The following LENG8 variants were observed in gnomAD, a reference collection of about 807,000 sequenced individuals.
LENG8 encodes the protein leukocyte receptor cluster (LRC) member 8.
LENG8 carries 28 observed loss-of-function variants against 102.1 expected under a neutral mutation model. The observed-to-expected ratio is 0.27, with a 90% CI of 0.20 to 0.38. LENG8 has a LOEUF of 0.38. LENG8 is among the 10% of genes least tolerant of loss of function. The pLI, the probability that LENG8 is intolerant of heterozygous loss-of-function variation, is 1.00. For synonymous variants in LENG8, 531 were observed against 456.7 expected, an observed-to-expected ratio of 1.16 and a Z score of -2.07; for missense variants, 1,022 against 1,113.9, an observed-to-expected ratio of 0.92 and a Z score of 1.17.
chr19:54,454,789 C>T (rs2084137289), intron 6 of LENG8, 107 bp downstream of exon 6: 24 of 1,438,882 alleles, frequency 1.7e-5, no homozygotes, highest in South Asian at 9.4e-5. Context: ...GTGTTGTGAT[C>T]GCCAGGCTGG....
At chr19:54,457,250 A>C (rs1265266905) in intron 11 of LENG8, among the ~76,000 whole-genome samples, 1 of 152,214 alleles carries the variant, frequency 6.6e-6, no homozygotes, top group Non-Finnish European at 1.5e-5. Context: ...TGTTTGGCGT[A>C]GTCACTGTTC....
chr19:54,452,337 G>T (rs376303214), intron 3 of LENG8, 70 bp downstream of exon 3: 6 of 1,378,122 alleles, frequency 4.4e-6, no homozygotes, highest in Non-Finnish European at 6.0e-6. Context: ...CTGGCGTCCT[G>T]TTGTATCATT....
At chr19:54,451,443 C>T in intron 2 of LENG8, 61 bp downstream of exon 2, 1 of 1,546,098 alleles carries the variant, frequency 6.5e-7, no homozygotes, top group Non-Finnish European at 8.9e-7. Context: ...AGACCCAGTG[C>T]TGTCCTCTGG....
intron 2 of LENG8, 119 bp from the exon 3 acceptor site, chr19:54,451,974 G>A: frequency 1.1e-6 from 1 of 899,878 alleles, no homozygotes; most frequent in South Asian, 1.6e-5. Context: ...AGAAAACTTA[G>A]GCTTAGACTG....
chr19:54,456,776 T>G lies in LENG8; in HGVS notation c.1586T>G (p.Leu529Arg), dbSNP rs766972145. The change falls in exon 11 of 16, where the codon CTG becomes CGG. Residue 529 changes from leucine (L) to arginine (R), a missense_variant. Transcript: ENST00000326764. ...TCCCGCCGCCTGCGCCTCGAGCCCC[T>G]GGTGCTGCAGATGAGCAGCCTGGAG... ...GHSRRLRLEP[L>R]VLQMSSLESS... 3.1e-6 allele frequency: 5 copies of G among 1,611,806 alleles called. No homozygotes were observed. Among genetic ancestry groups the G allele is most frequent in the Non-Finnish European group, 4.2e-6 (5 of 1,179,530 alleles).
chr19:54,455,162 G>A, intron 7 of LENG8, 70 bp downstream of exon 7: 1 of 1,596,666 alleles, frequency 6.3e-7, no homozygotes, highest in Non-Finnish European at 8.6e-7. Flanking sequence ...CAGTCCCACT[G>A]GCCAGCTGCC....
In LENG8 at chr19:54,452,673, C is replaced by T; in HGVS notation, c.236C>T (p.Ser79Leu). 1 of 1,614,094 alleles carries T rather than the reference C, an allele frequency of 6.2e-7. No homozygotes were observed. Among genetic ancestry groups the T allele is most frequent in the Non-Finnish European group, 8.5e-7 (1 of 1,179,946 alleles). The change falls in exon 4 of 16, where the codon TCA (serine) becomes TTA (leucine). Residue 79 changes from serine (S) to leucine (L), a missense_variant. Ser to Leu is a moderately radical substitution (Grantham distance 145). Coordinates refer to ENST00000326764, the MANE Select transcript of LENG8 (RefSeq NM_052925.4). ...SAQYVSQAEA[S>L]ALQQQQYYQW... ...CAGTACGTGTCCCAGGCAGAAGCCTCAGCTTTGCAGCAGCAGCAGTACTAC... is the reference window on the plus strand; with the variant it reads ...CAGTACGTGTCCCAGGCAGAAGCCTTAGCTTTGCAGCAGCAGCAGTACTAC...
At chr19:54,456,571 A>G in intron 10 of LENG8, 65 bp from the exon 11 acceptor site, 2 of 1,545,392 alleles carry the variant, frequency 1.3e-6, no homozygotes, top group Non-Finnish European at 1.7e-6. Flanking sequence ...CCAGCTGCCA[A>G]AGGGGCGAGG....
Position 54,456,028 on chromosome 19 carries a change from C to G in LENG8, c.1087C>G (p.Leu363Val), listed in dbSNP as rs750610169. 1.2e-6 allele frequency: 2 copies of G among 1,613,016 alleles called. No homozygotes were observed. Among genetic ancestry groups the G allele is most frequent in the African/African-American group, 2.7e-5 (2 of 74,870 alleles). Residue 363 changes from leucine (L) to valine (V), a missense_variant, in exon 9 of 16, where the codon CTT (leucine) becomes GTT (valine). Coordinates refer to ENST00000326764, the MANE Select transcript of LENG8 (RefSeq NM_052925.4). ...KKKRWEAASS[L>V]HPPRGAGSAT... ...GAAGCGGTGGGAGGCCGCTAGCAGC[C>G]TTCACCCTCCTAGAGGGGCAGGCTC...
Position 54,456,756 on chromosome 19 carries a change from C to T in LENG8, c.1566C>T (p.Arg522=), listed in dbSNP as rs1299706953. The T allele has an allele frequency of 2.5e-6, 4 of 1,611,336 alleles. No individual in the cohort carries two copies. The Admixed American group carries it at 5.0e-5, about 20-fold the overall frequency. ...RAARFQHGHS[R]RLRLEPLVLQ... is the part of the protein sequence containing the mutation. ...CCCGCTTCCAGCACGGACACTCCCG[C>T]CGCCTGCGCCTCGAGCCCCTGGTGC... is the stretch of plus-strand genomic sequence containing the variant. The change falls in exon 11 of 16, where the codon CGC becomes CGT. Residue 522 remains arginine (R), a synonymous_variant. Transcript: ENST00000326764.
intron 15 of LENG8, chr19:54,458,761 C>T: frequency 1.3e-6 from 2 of 1,551,264 alleles, no homozygotes; most frequent in Non-Finnish European, 1.7e-6. Context: ...CAGCTCACTG[C>T]CTCTGGGGCC....
chr19:54,456,935 A>C lies in LENG8; in HGVS notation c.1731+14A>C. ...CGCCCTGTGGCAGTAAGTGCCCAGC[A>C]GGGCAGTTCTGCTCTGTGAGGCCGT... On this transcript the variant is annotated intron_variant, in intron 11 of 15. Coordinates refer to ENST00000326764, the MANE Select transcript of LENG8 (RefSeq NM_052925.4). 1 of 1,597,870 alleles carries C rather than the reference A, an allele frequency of 6.3e-7. No homozygotes were observed. The highest frequency in any genetic ancestry group is 8.5e-7 in the Non-Finnish European group (1 of 1,175,696).
At chr19:54,451,945 T>C (rs1208378798) in intron 2 of LENG8, 148 bp from the exon 3 acceptor site, 4 of 645,894 alleles carry the variant, frequency 6.2e-6, no homozygotes, top group Non-Finnish European at 7.7e-6. Flanking sequence ...AGAAACCCTT[T>C]ATCAGCATAG....
chr19:54,452,004 G>C, intron 2 of LENG8, 89 bp from the exon 3 acceptor site: 1 of 1,229,710 alleles, frequency 8.1e-7, no homozygotes, highest in Non-Finnish European at 1.2e-6. Flanking sequence ...GTTAGATATG[G>C]GATCCAGGGG....
intron 1 of LENG8, among the ~76,000 whole-genome samples, chr19:54,450,081 G>C (rs530767781): frequency 2.2e-4 from 34 of 152,240 alleles, no homozygotes; most frequent in Non-Finnish European, 4.4e-4. Context: ...CCTTGCTCCG[G>C]AGACACTCCA....
Position 54,462,000 on chromosome 19 carries a change from AAGAG to A in LENG8, c.*1076_*1079del. On this transcript the variant is annotated 3_prime_UTR_variant, in exon 16 of 16. Transcript: ENST00000326764. ...GGAAGCTTGAGAGAAACCAAAATTA[AAGAG>A]AGAAAGAGAGAGCGTGCACGCTCCT... The A allele has an allele frequency of 7.1e-7, 1 of 1,415,688 alleles. No individual in the cohort carries two copies. The highest frequency in any genetic ancestry group is 9.7e-7 in the Non-Finnish European group (1 of 1,032,266). 87.7% of individuals were successfully genotyped at this position (1,415,688 alleles called of 1,614,324 possible). A position where few individuals can be genotyped will look rare whatever the true frequency, so the allele number is the denominator to read the frequency against.
chr19:54,460,594 G>T, intron 15 of LENG8, 172 bp from the exon 16 acceptor site: 1 of 1,291,282 alleles, frequency 7.7e-7, no homozygotes, highest in Non-Finnish European at 1.0e-6. Context: ...AACCCCCCCC[G>T]GGCCCCCCCC....
rs1569290379 is a variant in LENG8 at position 54,452,630 on chromosome 19, C to T, written c.214-21C>T. The T allele has an allele frequency of 4.0e-6, 6 of 1,514,952 alleles. No homozygotes were observed. In the Admixed American group the frequency reaches 7.8e-5, roughly 20 times the overall value. The allele number at this position is 1,514,952 out of a possible 1,614,324, so 93.8% of individuals were successfully genotyped here. A position where few individuals can be genotyped will look rare whatever the true frequency, so the allele number is the denominator to read the frequency against. On this transcript the variant is annotated intron_variant, in intron 3 of 15. Coordinates refer to ENST00000326764, the MANE Select transcript of LENG8 (RefSeq NM_052925.4). ...CTGTGGATTTGGGCTGCTGACGGCA[C>T]ATGTGCCTCTGCTTCCACAGTACGT... is the stretch of plus-strand genomic sequence containing the variant.
chr19:54,458,608 C>T (rs770218881), intron 15 of LENG8, 87 bp downstream of exon 15: 1 of 1,582,054 alleles, frequency 6.3e-7, no homozygotes, highest in Admixed American at 1.8e-5. Context: ...GGCCGCAGGC[C>T]TCCCCCAGCC....
Sources: gnomAD v4.1 joint callset for allele counts (sites outside exome capture counted in the v4.1 genomes callset) on GRCh38, gnomAD v4.1.1 for gene constraint, MANE v1.5 for transcripts, NCBI Gene and HGNC (gene_info 2026-07-23, HGNC 2026-07-21) for gene names.